ZC3H3: variants seen among roughly 807,000 people sequenced by gnomAD.
The protein encoded by ZC3H3 is zinc finger CCCH-type containing 3.
A neutral mutation model predicts 77.3 loss-of-function variants in ZC3H3; 36 were observed. The observed-to-expected ratio is 0.47, with a 90% CI of 0.36 to 0.61. The LOEUF (loss-of-function observed/expected upper bound fraction) is 0.61. Among genes scored for constraint, ZC3H3 ranks in the 20% least tolerant of loss-of-function variants. The pLI, the probability that ZC3H3 is intolerant of heterozygous loss-of-function variation, is 0.00. For missense variants in ZC3H3, 1,331 were observed against 1,312.2 expected, an observed-to-expected ratio of 1.01 and a Z score of -0.22; for synonymous variants, 626 against 555.2, an observed-to-expected ratio of 1.13 and a Z score of -1.79.
In ZC3H3 at chr8:143,445,700, T is replaced by TA. The variant is rs377247894; in HGVS notation, c.2308-4581dup. Among the ~76,000 whole-genome samples the TA allele has an allele frequency of 4.8e-3, 686 of 142,526 alleles. 2 individuals are homozygous for TA. The highest frequency in any genetic ancestry group is 0.015 in the African/African-American group (592 of 38,782). The allele number at this position is 142,526 out of a possible 152,430, so 93.5% of individuals were successfully genotyped here. The stretch of plus-strand genomic sequence containing the variant: ...ACAGTGACACCCTGTCTCTGTCTCT[T>TA]AAAAAAAAAAAAAGACATTAAAAGG... On this transcript the variant is annotated intron_variant, in intron 9 of 11. Transcript: ENST00000262577.
intron 9 of ZC3H3, among the ~76,000 whole-genome samples, chr8:143,457,552 G>A (rs568307888): frequency 1.5e-5 from 2 of 134,248 alleles, no homozygotes; most frequent in Admixed American, 7.5e-5. Flanking sequence ...GCAACATAGC[G>A]AGACCTCATC....
chr8:143,486,491 C>T (rs1821057044), intron 4 of ZC3H3, among the ~76,000 whole-genome samples: 1 of 152,200 alleles, frequency 6.6e-6, no homozygotes, highest in Non-Finnish European at 1.5e-5. Context: ...TGGATCAGGG[C>T]CAAACACGTA....
At chr8:143,491,987 G>A (rs896213636) in intron 4 of ZC3H3, among the ~76,000 whole-genome samples, 6 of 152,208 alleles carry the variant, frequency 3.9e-5, no homozygotes, top group African/African-American at 9.7e-5. Flanking sequence ...TGCACCAGGC[G>A]CAGCACCTAA....
rs139235610 is a variant in ZC3H3, at chr8:143,468,540, G to A, written c.1947C>T (p.Ser649=). 14 of 1,606,708 alleles carry A rather than the reference G, an allele frequency of 8.7e-6. No homozygotes were observed. In the African/African-American group the frequency reaches 1.7e-4, roughly 20 times the overall value. The part of the protein sequence containing the change: ...PAGSCSRSLA[S]RAVQRSLAII... ...TGGCCAGGCTGCGCTGCACTGCCCG[G>A]CTGCAGACGGGGAGAGAGGTGCGTG... Residue 649 remains serine (S), a splice_region_variant and synonymous_variant, in exon 7 of 12, where the codon AGC becomes AGT. Coordinates refer to ENST00000262577, the MANE Select transcript of ZC3H3 (RefSeq NM_015117.3).
Position 143,538,063 on chromosome 8 carries a change from G to T in ZC3H3, c.1304C>A (p.Pro435Gln). Reference protein sequence around the residue: ...SGLKPLSGETPLSAYKVKSRT... With the variant: ...SGLKPLSGETQLSAYKVKSRT... The stretch of plus-strand genomic sequence containing the variant: ...GCTCTTCACTTTGTAAGCCGAGAGC[G>T]GGGTCTCCCCAGAGAGGGGCTTCAA... Residue 435 changes from proline (P) to glutamine (Q), a missense_variant, in exon 2 of 12, where the codon CCG (proline) becomes CAG (glutamine). By Grantham distance (76) the Pro-to-Gln change is moderately conservative. Around this residue, in one of 3 missense-constraint regions of ZC3H3, gnomAD observed 978 missense variants for 915.5 expected, o/e 1.07. Coordinates refer to ENST00000262577, the MANE Select transcript of ZC3H3 (RefSeq NM_015117.3). 6.2e-7 allele frequency: 1 copy of T among 1,612,716 alleles called. No homozygotes were observed. The highest frequency in any genetic ancestry group is 8.5e-7 in the Non-Finnish European group (1 of 1,179,858).
chr8:143,513,948 G>A (rs1344077948), intron 3 of ZC3H3, among the ~76,000 whole-genome samples: 2 of 152,070 alleles, frequency 1.3e-5, no homozygotes, highest in Non-Finnish European at 2.9e-5. Context: ...AGTGTAGCTC[G>A]CCAGGGCTGC....
At chr8:143,466,948 G>A (rs895957661) in intron 8 of ZC3H3, among the ~76,000 whole-genome samples, 7 of 152,172 alleles carry the variant, frequency 4.6e-5, no homozygotes, top group Non-Finnish European at 8.8e-5. Flanking sequence ...TTGGGGATGG[G>A]AAAGGAACTT....
At chr8:143,483,980 C>T (rs953166352) in intron 4 of ZC3H3, among the ~76,000 whole-genome samples, 5 of 152,250 alleles carry the variant, frequency 3.3e-5, no homozygotes, top group Non-Finnish European at 5.9e-5. Flanking sequence ...CAGGATACAC[C>T]TTCAGCAGGC....
chr8:143,535,817 A>G (rs750859207), intron 3 of ZC3H3, among the ~76,000 whole-genome samples: 1 of 152,212 alleles, frequency 6.6e-6, no homozygotes, highest in Non-Finnish European at 1.5e-5. Flanking sequence ...AAAAACTCAC[A>G]CAGTACCATG....
chr8:143,440,196 T>A lies in ZC3H3; in HGVS notation c.2660A>T (p.Asp887Val). 6.2e-7 allele frequency: 1 copy of A among 1,611,358 alleles called. No individual in the cohort carries two copies. Among genetic ancestry groups the A allele is most frequent in the Middle Eastern group, 1.7e-4 (1 of 5,846 alleles). The change falls in exon 11 of 12, where the codon GAC becomes GTC. Residue 887 changes from aspartate (D) to valine (V), a missense_variant. Coordinates refer to ENST00000262577, the MANE Select transcript of ZC3H3 (RefSeq NM_015117.3). Reference protein sequence around the residue: ...SSSSSPPASLDHEAPSLQEAA... With the variant: ...SSSSSPPASLVHEAPSLQEAA... The stretch of plus-strand genomic sequence containing the variant: ...CTCCTGGAGAGATGGTGCCTCGTGG[T>A]CCAAGGAAGCGGGAGGGGATGAGGA...
intron 11 of ZC3H3, 126 bp downstream of exon 11, chr8:143,439,915 A>C (rs1342754045): frequency 1.7e-5 from 9 of 534,654 alleles, no homozygotes; most frequent in Non-Finnish European, 2.0e-5. Flanking sequence ...GGCCCGAGCC[A>C]GGCCATGCTG....
chr8:143,442,400 CG>C (rs1285730125), intron 9 of ZC3H3, among the ~76,000 whole-genome samples: 36 of 5,380 alleles, frequency 6.7e-3, no homozygotes, highest in Middle Eastern at 0.5. Flanking sequence ...CTTCAGGGGC[CG>C]GGGGGGGTGG....
At chr8:143,540,044 C>A (rs1822958066) in intron 1 of ZC3H3, among the ~76,000 whole-genome samples, 1 of 152,206 alleles carries the variant, frequency 6.6e-6, no homozygotes, top group Non-Finnish European at 1.5e-5. Flanking sequence ...CCCCCGGGGG[C>A]ACAGAAAGCC....
intron 9 of ZC3H3, among the ~76,000 whole-genome samples, chr8:143,457,051 A>C (rs1369450941): frequency 6.6e-6 from 1 of 152,228 alleles, no homozygotes; most frequent in African/African-American, 2.4e-5. Flanking sequence ...TAGACCGCAA[A>C]TCATCAAGGA....
At chr8:143,513,925 T>C (rs1821951221) in intron 3 of ZC3H3, among the ~76,000 whole-genome samples, 2 of 152,168 alleles carry the variant, frequency 1.3e-5, no homozygotes, top group Non-Finnish European at 2.9e-5. Context: ...GAAATCCAGC[T>C]TGGCCCCCGA....
At chr8:143,522,279 A>C (rs1263320278) in intron 3 of ZC3H3, among the ~76,000 whole-genome samples, 1 of 152,184 alleles carries the variant, frequency 6.6e-6, no homozygotes, top group Non-Finnish European at 1.5e-5. Flanking sequence ...CCCTGACCTC[A>C]CTACAGGCCT....
At chr8:143,521,975 C>G (rs931038946) in intron 3 of ZC3H3, among the ~76,000 whole-genome samples, 3 of 152,172 alleles carry the variant, frequency 2.0e-5, no homozygotes, top group Non-Finnish European at 4.4e-5. Context: ...AGGGGATACC[C>G]GCAAAGTGCC....
intron 4 of ZC3H3, among the ~76,000 whole-genome samples, chr8:143,503,941 C>T (rs1586932572): frequency 1.3e-5 from 2 of 152,242 alleles, no homozygotes; most frequent in East Asian, 3.8e-4. Flanking sequence ...ATGGGCCCAA[C>T]ATGACCACCA....
intron 9 of ZC3H3, among the ~76,000 whole-genome samples, chr8:143,456,892 G>A (rs549328606): frequency 5.9e-5 from 9 of 151,966 alleles, no homozygotes; most frequent in South Asian, 2.1e-4. Context: ...CAACAACAAC[G>A]AAAAGAATGC....
Sources: gnomAD v4.1 joint callset for allele counts (sites outside exome capture counted in the v4.1 genomes callset) on GRCh38, gnomAD v4.1.1 for gene constraint, gnomAD v4.1.1 regional missense constraint, MANE v1.5 for transcripts, NCBI Gene and HGNC (gene_info 2026-07-23, HGNC 2026-07-21) for gene names.